The following KLRG1 variants were observed in gnomAD, a reference collection of about 807,000 sequenced individuals.
KLRG1 encodes killer cell lectin like receptor G1.
In KLRG1, 16 loss-of-function variants were observed where a neutral mutation model predicts 21.8. The ratio of observed to expected loss-of-function variants is 0.73; its 90% CI spans 0.50 to 1.11. The LOEUF (loss-of-function observed/expected upper bound fraction) is 1.11. KLRG1 is among the 50% of genes most tolerant of loss of function. The pLI is 0.00. For missense variants in KLRG1, 173 were observed against 218.3 expected, an observed-to-expected ratio of 0.79 and a Z score of 1.31; for synonymous variants, 69 against 75.9, an observed-to-expected ratio of 0.91 and a Z score of 0.47.
chr12:9,087,287 A>G, the KLRG1 span, among the ~76,000 whole-genome samples: 2 of 152,232 alleles, frequency 1.3e-5, no homozygotes, highest in Non-Finnish European at 2.9e-5. Flanking sequence ...ATGAACAGAT[A>G]AAGAAAATTT....
At position 8,965,036 on chromosome 12, in the gene KLRG1, G is replaced by A. The variant is rs146384430; in HGVS notation, c.-156+14800G>A. Among the ~76,000 whole-genome samples, 765 of 152,124 alleles carry A rather than the reference G, an allele frequency of 5.0e-3. 10 individuals carry two copies. The highest frequency in any genetic ancestry group is 0.017 in the African/African-American group (695 of 41,492). Reference sequence around the variant, plus strand: ...GGGATGCAAGGCTGGTTCAACATACGCAAATCAATAAATGTAATCCAATAT... The same window carrying A: ...GGGATGCAAGGCTGGTTCAACATACACAAATCAATAAATGTAATCCAATAT... On this transcript the variant is annotated intron_variant, in intron 1 of 4. Transcript: ENST00000539240.
chr12:9,172,008 C>T, the KLRG1 span, among the ~76,000 whole-genome samples: 2 of 152,064 alleles, frequency 1.3e-5, no homozygotes, highest in Non-Finnish European at 2.9e-5. Context: ...TAAGATACTC[C>T]ACAAGAACAT....
downstream of KLRG1, among the ~76,000 whole-genome samples, chr12:9,013,935 A>C (rs2137467776): frequency 6.6e-6 from 1 of 152,314 alleles, no homozygotes; most frequent in Non-Finnish European, 1.5e-5. Context: ...TTGAAAAATC[A>C]AGCAGAAATT....
the KLRG1 span, chr12:9,106,595 T>C: frequency 6.4e-7 from 1 of 1,563,834 alleles, no homozygotes; most frequent in South Asian, 1.2e-5. Context: ...GAAGCAGCCA[T>C]GGCTGTTTAG....
At chr12:9,115,670 T>C in the KLRG1 span, 2 of 907,664 alleles carry the variant, frequency 2.2e-6, no homozygotes, top group Non-Finnish European at 3.6e-6. Flanking sequence ...AAGATGACAG[T>C]ATCATAGGAA....
At chr12:9,190,124 C>G in the KLRG1 span, among the ~76,000 whole-genome samples, 4 of 151,950 alleles carry the variant, frequency 2.6e-5, no homozygotes, top group Non-Finnish European at 5.9e-5. Flanking sequence ...TCATTTGACC[C>G]AAGAATCCCA....
chr12:8,973,461 A>G (rs928639614), intron 1 of KLRG1, among the ~76,000 whole-genome samples: 5 of 152,158 alleles, frequency 3.3e-5, no homozygotes, highest in African/African-American at 1.2e-4. Context: ...TTCTGCCCAT[A>G]TGAGAACAAG....
the KLRG1 span, among the ~76,000 whole-genome samples, chr12:9,114,220 AC>A: frequency 6.6e-6 from 1 of 152,174 alleles, no homozygotes; most frequent in Non-Finnish European, 1.5e-5. Flanking sequence ...TTGACTTTAG[AC>A]CTTGGTAACT....
chr12:9,189,592 A>G, the KLRG1 span, among the ~76,000 whole-genome samples: 1 of 152,246 alleles, frequency 6.6e-6, no homozygotes, highest in African/African-American at 2.4e-5. Context: ...CAAAGATTTC[A>G]TGAAGAAGAC....
At chr12:9,143,828 G>A in the KLRG1 span, among the ~76,000 whole-genome samples, 1 of 152,222 alleles carries the variant, frequency 6.6e-6, no homozygotes, top group Non-Finnish European at 1.5e-5. Context: ...CAGTGGAGAG[G>A]ACATAGGAAT....
the KLRG1 span, chr12:9,064,723 G>C: frequency 6.5e-6 from 1 of 154,216 alleles, no homozygotes; most frequent in East Asian, 1.9e-4. This position sits in a 1 kb window ranked among gnomAD's most constrained non-coding sequence, Gnocchi z 4.0. Context: ...CCCCAAGGCG[G>C]AGCTGGGTCC....
the KLRG1 span, chr12:9,154,795 C>A: frequency 5.6e-6 from 9 of 1,614,124 alleles, no homozygotes; most frequent in Non-Finnish European, 7.6e-6. Context: ...AGATGCCCCA[C>A]TGGTGCCTTG....
At chr12:9,202,782 C>A in the KLRG1 span, 1 of 1,178,290 alleles carries the variant, frequency 8.5e-7, no homozygotes, top group Middle Eastern at 2.8e-4. Context: ...TTCAGCTTCA[C>A]CAAGGAGAAG....
Position 9,008,601 on chromosome 12 carries a change from A to ACAT in KLRG1, c.358-374_358-373insCAT, listed in dbSNP as rs1375986947. On this transcript the variant is annotated intron_variant, in intron 3 of 4. Transcript: ENST00000356986. ...CATCAAGGTTCTCTGGCTCCTGGTG[A>ACAT]GGACCTACTTCTGGCTTGCACATGG... is the stretch of plus-strand genomic sequence containing the variant. Among the ~76,000 whole-genome samples the ACAT allele has an allele frequency of 4.3e-3, 661 of 152,320 alleles. 4 individuals are homozygous for ACAT. The highest frequency in any genetic ancestry group is 0.015 in the African/African-American group (623 of 41,580).
At chr12:9,020,960 A>G in the KLRG1 span, among the ~76,000 whole-genome samples, 1 of 152,220 alleles carries the variant, frequency 6.6e-6, no homozygotes, top group African/African-American at 2.4e-5. Context: ...GGGACAGCCT[A>G]TTGCTCTTAG....
At chr12:8,963,111 T>C (rs1399645366) in intron 1 of KLRG1, among the ~76,000 whole-genome samples, 1 of 152,228 alleles carries the variant, frequency 6.6e-6, no homozygotes, top group African/African-American at 2.4e-5. Context: ...TGGAAAAAGT[T>C]AAATATATTT....
the KLRG1 span, chr12:9,115,694 A>C: frequency 8.6e-7 from 1 of 1,159,722 alleles, no homozygotes; most frequent in South Asian, 1.3e-5. Context: ...AAAAGGAATG[A>C]TATAAAGAAA....
the KLRG1 span, among the ~76,000 whole-genome samples, chr12:9,088,802 G>T: frequency 6.6e-6 from 1 of 152,156 alleles, no homozygotes; most frequent in African/African-American, 2.4e-5. Context: ...TAGCAATCCC[G>T]TTATCAAATA....
the KLRG1 span, among the ~76,000 whole-genome samples, chr12:9,110,687 CCTG>C: frequency 7.9e-5 from 12 of 151,736 alleles, no homozygotes; most frequent in Non-Finnish European, 1.2e-4. Flanking sequence ...AATATATATA[CCTG>C]CTATGTTTCC....
Sources: gnomAD v4.1 joint callset for allele counts (sites outside exome capture counted in the v4.1 genomes callset) on GRCh38, gnomAD v4.1.1 for gene constraint, Gnocchi (gnomAD v3.1) non-coding constraint, MANE v1.5 for transcripts, NCBI Gene and HGNC (gene_info 2026-07-23, HGNC 2026-07-21) for gene names.